The following ATG16L2 variants were observed in gnomAD, a reference collection of about 807,000 sequenced individuals.
The protein encoded by ATG16L2 is autophagy related 16 like 2.
Under a neutral mutation model 84.7 loss-of-function variants are expected in ATG16L2, and 77 were observed. That is an observed-to-expected ratio of 0.91 (90% confidence interval 0.76 to 1.10). The LOEUF (loss-of-function observed/expected upper bound fraction) is 1.10. ATG16L2 is among the 50% of genes least tolerant of loss of function. The pLI is 0.00. For synonymous variants in ATG16L2, 361 were observed against 342.8 expected (o/e 1.05, Z -0.59); for missense variants, 782 against 817.6 (o/e 0.96, Z 0.53).
chr11:72,826,152 C>G, intron 10 of ATG16L2, 21 bp from the exon 11 acceptor site: 3 of 1,606,360 alleles, frequency 1.9e-6, no homozygotes, highest in Non-Finnish European at 2.6e-6. Flanking sequence ...TTTCAACTGT[C>G]CCTTCCCCTG....
At chr11:72,843,417 C>A (rs1861027511) in exon 6 of ATG16L2, 1 of 1,608,066 alleles carries the variant, frequency 6.2e-7, no homozygotes, top group South Asian at 1.1e-5. Flanking sequence ...AAAAATGTCA[C>A]AAGAAAGGGC....
At chr11:72,828,059 CTCTCA>C (rs1411799287) in intron 14 of ATG16L2, among the ~76,000 whole-genome samples, 3 of 152,230 alleles carry the variant, frequency 2.0e-5, no homozygotes, top group Non-Finnish European at 4.4e-5. Flanking sequence ...TTCCTTCTCT[CTCTCA>C]TATTTTTTAA....
Position 72,828,745 on chromosome 11 carries a change from T to C in ATG16L2, c.1639T>C (p.Cys547Arg). 6.2e-7 allele frequency: 1 copy of C among 1,614,000 alleles called. No individual in the cohort carries two copies. The highest frequency in any genetic ancestry group is 8.5e-7 in the Non-Finnish European group (1 of 1,179,990). ...TGTCCTCAGGGCCGATGGCTTCAAG[T>C]GTGGTTCTGACTGGACCAAAGCTGT... ...RQVFRADGFK[C>R]GSDWTKAVFS... Residue 547 changes from cysteine to arginine, a missense_variant, in exon 16 of 18, where the codon TGT becomes CGT. By Grantham distance (180) the Cys-to-Arg change is radical. Coordinates refer to ENST00000321297, the MANE Select transcript of ATG16L2 (RefSeq NM_033388.2).
chr11:72,842,047 C>T (rs965261785), intron 5 of ATG16L2, among the ~76,000 whole-genome samples: 7 of 152,214 alleles, frequency 4.6e-5, no homozygotes, highest in Non-Finnish European at 8.8e-5. Flanking sequence ...TTCCTTCTTC[C>T]TCTACCTGTC....
intron 2 of ATG16L2, among the ~76,000 whole-genome samples, chr11:72,817,056 C>T (rs1859740231): frequency 6.6e-6 from 1 of 152,178 alleles, no homozygotes; most frequent in South Asian, 2.1e-4. Flanking sequence ...TTGTCCATCT[C>T]TCTGCATTTG....
At chr11:72,828,628 G>A (rs1013799189) in intron 15 of ATG16L2, 101 bp from the exon 16 acceptor site, 1 of 1,592,224 alleles carries the variant, frequency 6.3e-7, no homozygotes, top group Non-Finnish European at 8.6e-7. Flanking sequence ...GTCCTGCTGA[G>A]GTACCAAACC....
chr11:72,827,241 C>T lies in ATG16L2; in HGVS notation c.1420C>T (p.His474Tyr). ...CTGTAATGACGTGGTGTGTGGGGACCATATCATCATTAGTGGCCACAATGA... is the reference window on the plus strand; with the variant it reads ...CTGTAATGACGTGGTGTGTGGGGACTATATCATCATTAGTGGCCACAATGA... ...SYCNDVVCGD[H>Y]IIISGHNDQK... Residue 474 changes from histidine (H) to tyrosine (Y), a missense_variant, in exon 14 of 18, where the codon CAT becomes TAT. By Grantham distance (83) the His-to-Tyr change is moderately conservative. Coordinates refer to ENST00000321297, the MANE Select transcript of ATG16L2 (RefSeq NM_033388.2). The T allele has an allele frequency of 6.2e-7, 1 of 1,614,042 alleles. No individual in the cohort carries two copies. Among genetic ancestry groups the T allele is most frequent in the African/African-American group, 1.3e-5 (1 of 74,980 alleles).
downstream of ATG16L2, among the ~76,000 whole-genome samples, chr11:72,829,819 T>A (rs1235799574): frequency 6.6e-6 from 1 of 152,118 alleles, no homozygotes; most frequent in Non-Finnish European, 1.5e-5. Context: ...AGAAAGGCCC[T>A]GAGGCAGCAA....
At chr11:72,821,639 C>A in intron 3 of ATG16L2, 29 bp from the exon 4 acceptor site, 1 of 1,524,082 alleles carries the variant, frequency 6.6e-7, no homozygotes, top group South Asian at 1.2e-5. Flanking sequence ...GGGGCCTCAG[C>A]GCCGCCGTGC....
At chr11:72,815,159 ACT>A (rs1216444098) in intron 1 of ATG16L2, among the ~76,000 whole-genome samples, 2 of 151,920 alleles carry the variant, frequency 1.3e-5, no homozygotes, top group African/African-American at 4.8e-5. Flanking sequence ...GCGAAGTCGG[ACT>A]CTCAGAATTG....
exon 6 of ATG16L2, chr11:72,843,033 A>G (rs1253682359): frequency 9.6e-7 from 1 of 1,039,156 alleles, no homozygotes; most frequent in African/African-American, 1.6e-5. Context: ...ATATAAAGAA[A>G]AGCATATTAT....
At chr11:72,824,211 A>G (rs939079528) in intron 8 of ATG16L2, 89 bp downstream of exon 8, 3 of 1,492,998 alleles carry the variant, frequency 2.0e-6, no homozygotes, top group South Asian at 2.3e-5. Context: ...CGACCTGTCC[A>G]TCCCTGTGAT....
At chr11:72,838,583 A>G (rs1193483722) in intron 5 of ATG16L2, 1 of 585,510 alleles carries the variant, frequency 1.7e-6, no homozygotes, top group Non-Finnish European at 3.1e-6. Context: ...ATGGTAGGAG[A>G]AATGACATAG....
chr11:72,822,061 C>G lies in ATG16L2; in HGVS notation c.410C>G (p.Ala137Gly), dbSNP rs1208280165. The stretch of plus-strand genomic sequence containing the variant: ...TCCTCCAGGCTGGCAGCCCTGGAGG[C>G]CCGCGTGGCGCAGCTGCGAGAGGCG... ...QRQSRLAALE[A>G]RVAQLREARA... Residue 137 changes from alanine to glycine, a missense_variant, in exon 5 of 18, where the codon GCC becomes GGC. Ala to Gly is a moderately conservative substitution (Grantham distance 60). Coordinates refer to ENST00000321297, the MANE Select transcript of ATG16L2 (RefSeq NM_033388.2). This position sits in a 1 kb window ranked among gnomAD's most constrained non-coding sequence, Gnocchi z 4.2. The G allele has an allele frequency of 1.3e-6, 2 of 1,513,412 alleles. No individual in the cohort carries two copies. Among genetic ancestry groups the G allele is most frequent in the Non-Finnish European group, 1.7e-6 (2 of 1,146,656 alleles). 93.7% of individuals were successfully genotyped at this position (1,513,412 alleles called of 1,614,324 possible). A position where few individuals can be genotyped will look rare whatever the true frequency, so the allele number is the denominator to read the frequency against.
At chr11:72,825,549 TG>T in intron 10 of ATG16L2, 142 bp downstream of exon 10, 1 of 677,602 alleles carries the variant, frequency 1.5e-6, no homozygotes, top group Non-Finnish European at 2.6e-6. Flanking sequence ...GACAATGCCT[TG>T]GAAAGAGTGA....
chr11:72,839,480 A>G (rs1211437400), intron 5 of ATG16L2, among the ~76,000 whole-genome samples: 1 of 152,204 alleles, frequency 6.6e-6, no homozygotes, highest in Non-Finnish European at 1.5e-5. Context: ...AATCCTCTGA[A>G]TGAGAGTTGA....
At position 72,829,633 on chromosome 11, in the gene ATG16L2, G is replaced by A. The variant is rs1860560959; in HGVS notation, c.*243G>A. The A allele has an allele frequency of 3.0e-6, 4 of 1,323,900 alleles. No homozygotes were observed. The highest frequency in any genetic ancestry group is 6.8e-5 in the Admixed American group (2 of 29,514). 82.0% of individuals were successfully genotyped at this position (1,323,900 alleles called of 1,614,324 possible). On this transcript the variant is annotated 3_prime_UTR_variant, in exon 18 of 18. Coordinates refer to ENST00000321297, the MANE Select transcript of ATG16L2 (RefSeq NM_033388.2). ...CCCAAAGTAGAAAAAAATGATATCT[G>A]AACTGCGTCTGCCTACCTCTTTGCA...
rs138669194 is a variant in ATG16L2, at chr11:72,839,561, G to T, written c.*22-3056G>T. 6.6e-5 allele frequency among the ~76,000 whole-genome samples: 10 copies of T among 152,258 alleles called. No individual in the cohort carries two copies. In the East Asian group the frequency reaches 1.9e-3, roughly 29 times the overall value. The stretch of plus-strand genomic sequence containing the variant: ...GGAAAGATTTGCGAGCTCTCTGCAA[G>T]GTATACCTGGCAGGATTTGGGAATG... On this transcript the variant is annotated intron_variant, in intron 5 of 5. Coordinates refer to the ATG16L2 transcript ENST00000534905.
chr11:72,818,800 G>A (rs142195908), intron 3 of ATG16L2: 8 of 152,238 alleles, frequency 5.3e-5, no homozygotes, highest in African/African-American at 1.7e-4. Context: ...AACAAGACCT[G>A]GCCCCATGGG....
Sources: gnomAD v4.1 joint callset for allele counts (sites outside exome capture counted in the v4.1 genomes callset) on GRCh38, gnomAD v4.1.1 for gene constraint, Gnocchi (gnomAD v3.1) non-coding constraint, MANE v1.5 for transcripts, NCBI Gene and HGNC (gene_info 2026-07-23, HGNC 2026-07-21) for gene names.